EFCAB13: variants seen among roughly 807,000 people sequenced by gnomAD.
EFCAB13 encodes EF-hand calcium-binding domain-containing protein 13.
In EFCAB13, 91 loss-of-function variants were observed where a neutral mutation model predicts 110.2. The observed-to-expected ratio is 0.83, with a 90% CI of 0.70 to 0.98. The LOEUF (loss-of-function observed/expected upper bound fraction) is 0.98, where lower values mean the gene tolerates loss of function less well. EFCAB13 is among the 50% of genes least tolerant of loss of function. The pLI, the probability that EFCAB13 is intolerant of heterozygous loss-of-function variation, is 0.00. For synonymous variants in EFCAB13, 323 were observed against 369.9 expected, an observed-to-expected ratio of 0.87 and a Z score of 1.45; for missense variants, 968 against 1,119.4, an observed-to-expected ratio of 0.86 and a Z score of 1.93.
chr17:47,386,522 T>C (rs2065677120), intron 14 of EFCAB13, among the ~76,000 whole-genome samples: 1 of 152,208 alleles, frequency 6.6e-6, no homozygotes, highest in Non-Finnish European at 1.5e-5. Context: ...TTCAGACTGC[T>C]GTGCTGGTAG....
chr17:47,415,186 A>G (rs1030803409), intron 23 of EFCAB13, among the ~76,000 whole-genome samples: 8 of 151,850 alleles, frequency 5.3e-5, no homozygotes, highest in Non-Finnish European at 8.8e-5. Flanking sequence ...GAATTGAACA[A>G]TGAGAACACA....
Position 47,338,949 on chromosome 17 carries a change from A to C in EFCAB13, c.192-2972A>C, listed in dbSNP as rs149507200. Reference sequence around the variant, plus strand: ...ATACAATTTTATTTGTCAATTAAAAATAAATTTAAGAAACAATAAATATAT... The same window carrying C: ...ATACAATTTTATTTGTCAATTAAAACTAAATTTAAGAAACAATAAATATAT... On this transcript the variant is annotated intron_variant, in intron 5 of 24. Transcript: ENST00000331493. Among the ~76,000 whole-genome samples the C allele has an allele frequency of 3.9e-5, 6 of 152,282 alleles. No individual in the cohort carries two copies. The East Asian group carries it at 1.2e-3, about 29-fold the overall frequency.
chr17:47,397,661 G>A lies in EFCAB13; in HGVS notation c.1945+1684G>A, dbSNP rs1344554261. ...GAGATGTGGGGAGAGCCTCTACCCC[G>A]CCGCCCCGCCTGGGATGTGAGGAGC... On this transcript the variant is annotated intron_variant, in intron 17 of 24. Transcript: ENST00000331493. 3.3e-5 allele frequency among the ~76,000 whole-genome samples: 5 copies of A among 150,898 alleles called. No homozygotes were observed. The East Asian group carries it at 7.9e-4, about 24-fold the overall frequency.
intron 8 of EFCAB13, 95 bp downstream of exon 8, chr17:47,345,193 A>G (rs111422956): frequency 1.2e-6 from 1 of 812,316 alleles, no homozygotes; most frequent in African/African-American, 1.8e-5. Flanking sequence ...TCTACTCCTA[A>G]TGGCTTATGG....
intron 9 of EFCAB13, among the ~76,000 whole-genome samples, chr17:47,359,124 G>C (rs1299701510): frequency 6.6e-6 from 1 of 152,102 alleles, no homozygotes; most frequent in East Asian, 1.9e-4. Flanking sequence ...CTTAAGCCCA[G>C]GAGTTCGAGA....
At chr17:47,361,319 C>T in intron 9 of EFCAB13, 59 bp from the exon 10 acceptor site, 1 of 1,559,404 alleles carries the variant, frequency 6.4e-7, no homozygotes, top group Non-Finnish European at 8.8e-7. Context: ...GACACAAAAT[C>T]AACTGCTTTT....
At chr17:47,329,330 G>T (rs2065306399) in intron 4 of EFCAB13, among the ~76,000 whole-genome samples, 1 of 152,030 alleles carries the variant, frequency 6.6e-6, no homozygotes, top group South Asian at 2.1e-4. Flanking sequence ...TTTTCTGGGA[G>T]TTTAGGGCTC....
At chr17:47,367,280 A>G (rs1390398626) in intron 10 of EFCAB13, among the ~76,000 whole-genome samples, 1 of 152,256 alleles carries the variant, frequency 6.6e-6, no homozygotes. Context: ...AAAGGCCTGC[A>G]CCTGAAATAC....
chr17:47,401,898 C>T (rs1188956712), intron 17 of EFCAB13, among the ~76,000 whole-genome samples: 3 of 152,152 alleles, frequency 2.0e-5, no homozygotes, highest in Non-Finnish European at 4.4e-5. Context: ...CCCACCTCAG[C>T]CTCCCAAAGT....
chr17:47,331,683 A>C (rs373612439), intron 4 of EFCAB13, among the ~76,000 whole-genome samples: 59 of 152,250 alleles, frequency 3.9e-4, no homozygotes, highest in African/African-American at 1.4e-3. Context: ...TTATAGTATC[A>C]TACAGAATAA....
Position 47,405,235 on chromosome 17 carries a change from T to A in EFCAB13, c.2233+602T>A, listed in dbSNP as rs576223633. On this transcript the variant is annotated intron_variant, in intron 20 of 24. Transcript: ENST00000331493. ...TTAATAAATATTTAGGTTATTGCCA[T>A]TTTTTTACTATTACAAACATTTGGT... Among the ~76,000 whole-genome samples, 17 of 152,288 alleles carry A rather than the reference T, an allele frequency of 1.1e-4. 1 individual carries two copies. Among genetic ancestry groups the A allele is most frequent in the Non-Finnish European group, 2.4e-4 (16 of 68,008 alleles).
At chr17:47,354,010 T>A (rs1270892858) in intron 9 of EFCAB13, among the ~76,000 whole-genome samples, 2 of 152,194 alleles carry the variant, frequency 1.3e-5, no homozygotes, top group Non-Finnish European at 2.9e-5. Context: ...GATGTAGTCA[T>A]TTTATGCTAT....
chr17:47,410,948 G>A (rs867144070), intron 21 of EFCAB13, among the ~76,000 whole-genome samples: 49 of 151,906 alleles, frequency 3.2e-4, no homozygotes, highest in African/African-American at 5.8e-4. Flanking sequence ...ATAAATATCC[G>A]TTTCTGTTTT....
chr17:47,337,756 TG>T (rs1420403905), intron 5 of EFCAB13, among the ~76,000 whole-genome samples: 2 of 152,024 alleles, frequency 1.3e-5, no homozygotes, highest in African/African-American at 4.8e-5. Context: ...AATCAGGAGA[TG>T]GGTTGATTAC....
chr17:47,335,416 A>C, intron 5 of EFCAB13, 60 bp downstream of exon 5: 1 of 1,406,084 alleles, frequency 7.1e-7, no homozygotes, highest in East Asian at 2.3e-5. Context: ...TAAGAATGCC[A>C]AAATGTAGCT....
Position 47,374,734 on chromosome 17 carries a change from C to A in EFCAB13, c.1140C>A (p.Val380=). 1.2e-6 allele frequency: 2 copies of A among 1,613,802 alleles called. No homozygotes were observed. Among genetic ancestry groups the A allele is most frequent in the South Asian group, 2.2e-5 (2 of 91,056 alleles). Residue 380 remains valine, a synonymous_variant, in exon 12 of 25, where the codon GTC becomes GTA. Coordinates refer to ENST00000331493, the MANE Select transcript of EFCAB13 (RefSeq NM_152347.5). ...GGGTTGGCAGCAGTAATGTAGGAGT[C>A]CAAGAACCATATTCAAAGAATGGCA... ...LGGVGSSNVG[V]QEPYSKNGIN...
chr17:47,345,865 C>A (rs183625376), intron 8 of EFCAB13, among the ~76,000 whole-genome samples: 58 of 152,228 alleles, frequency 3.8e-4, no homozygotes, highest in African/African-American at 1.4e-3. Flanking sequence ...GGTGTGATCT[C>A]TCCTGTTTCC....
intron 23 of EFCAB13, among the ~76,000 whole-genome samples, chr17:47,416,252 G>A (rs1156245389): frequency 6.6e-6 from 1 of 152,022 alleles, no homozygotes; most frequent in Non-Finnish European, 1.5e-5. Context: ...GACTCCGAAA[G>A]AAACTCTGTA....
At chr17:47,392,373 T>C (rs1216566272) in intron 15 of EFCAB13, among the ~76,000 whole-genome samples, 3 of 152,130 alleles carry the variant, frequency 2.0e-5, no homozygotes, top group Non-Finnish European at 4.4e-5. Flanking sequence ...TGTAAGCTAA[T>C]TCTAATATTT....
Sources: gnomAD v4.1 joint callset for allele counts (sites outside exome capture counted in the v4.1 genomes callset) on GRCh38, gnomAD v4.1.1 for gene constraint, MANE v1.5 for transcripts, NCBI Gene and HGNC (gene_info 2026-07-23, HGNC 2026-07-21) for gene names.